MEF2A: variants seen among roughly 807,000 people sequenced by gnomAD.
MEF2A encodes myocyte enhancer factor 2A, also known as myocyte-specific enhancer factor 2A.
Under a neutral mutation model 55.8 loss-of-function variants are expected in MEF2A, and 28 were observed. That is an observed-to-expected ratio of 0.50 (90% CI 0.37 to 0.69). The LOEUF is 0.69. MEF2A is among the 30% of genes least tolerant of loss of function. The probability of loss-of-function intolerance (pLI) is 0.00; values close to 1 mark genes in which losing one functional copy is unlikely to be tolerated. For synonymous variants in MEF2A, 239 were observed against 227.1 expected (o/e 1.05, Z -0.47); for missense variants, 528 against 626.2 (o/e 0.84, Z 1.67).
At chr15:99,699,821 A>G (rs1369433024) in intron 8 of MEF2A, among the ~76,000 whole-genome samples, 2 of 152,026 alleles carry the variant, frequency 1.3e-5, no homozygotes, top group East Asian at 3.9e-4. Flanking sequence ...ACAAATGGAC[A>G]TTGTAGATAA....
chr15:99,573,094 C>G (rs1189564229), intron 1 of MEF2A, among the ~76,000 whole-genome samples: 1 of 152,040 alleles, frequency 6.6e-6, no homozygotes, highest in Non-Finnish European at 1.5e-5. Context: ...CGAGACCATC[C>G]TGGCTAACAC....
chr15:99,627,419 CAAAAAAAAAA>C lies in MEF2A; in HGVS notation c.-142-5537_-142-5528del, dbSNP rs139658538. On this transcript the variant is annotated intron_variant, in intron 2 of 11. Transcript: ENST00000557942. ...TGGGCGACAGAGTGAGACTTTATCT[CAAAAAAAAAA>C]AAAAAAAAAAAAAAAAAAAAAGACT... 2.6e-4 allele frequency among the ~76,000 whole-genome samples: 11 copies of C among 43,060 alleles called. No individual in the cohort carries two copies. The South Asian group carries it at 4.3e-3, about 17-fold the overall frequency. The allele number at this position is 43,060 out of a possible 152,430, so 28.2% of individuals were successfully genotyped here.
At chr15:99,612,622 G>GCTC (rs2039477295) in intron 2 of MEF2A, among the ~76,000 whole-genome samples, 2 of 152,172 alleles carry the variant, frequency 1.3e-5, no homozygotes, top group African/African-American at 2.4e-5. Flanking sequence ...GAGCTGAGAT[G>GCTC]AGAGGGTTCC....
At chr15:99,626,261 A>G (rs2153351927) in intron 2 of MEF2A, among the ~76,000 whole-genome samples, 1 of 152,192 alleles carries the variant, frequency 6.6e-6, no homozygotes, top group South Asian at 2.1e-4. Context: ...ATAGCTGTTT[A>G]TAAGTACCCT....
In MEF2A at chr15:99,712,876, C is replaced by A; in HGVS notation, c.*105C>A. The A allele has an allele frequency of 8.4e-7, 1 of 1,189,946 alleles. No homozygotes were observed. Among genetic ancestry groups the A allele is most frequent in the Non-Finnish European group, 1.2e-6 (1 of 852,960 alleles). 73.7% of individuals were successfully genotyped at this position (1,189,946 alleles called of 1,614,324 possible). ...AGTTAAATATATTTATATGTACATA[C>A]ATATATATATCCCTTTACATATATA... On this transcript the variant is annotated 3_prime_UTR_variant, in exon 12 of 12. Transcript: ENST00000557942. This position sits in a 1 kb window ranked among gnomAD's most constrained non-coding sequence, Gnocchi z 4.1.
intron 1 of MEF2A, among the ~76,000 whole-genome samples, chr15:99,596,543 A>T (rs1032839598): frequency 1.3e-5 from 2 of 152,208 alleles, no homozygotes; most frequent in Admixed American, 1.3e-4. Context: ...AAACAAAATC[A>T]GGGTCATAAT....
intron 3 of MEF2A, among the ~76,000 whole-genome samples, chr15:99,636,865 G>A (rs2043958270): frequency 6.6e-6 from 1 of 151,896 alleles, no homozygotes; most frequent in South Asian, 2.1e-4. Context: ...TTTGTGTTTG[G>A]TTTGAGGTGT....
intron 1 of MEF2A, among the ~76,000 whole-genome samples, chr15:99,587,068 T>A (rs533482223): frequency 2.0e-5 from 3 of 152,144 alleles, no homozygotes; most frequent in Admixed American, 1.3e-4. Flanking sequence ...TTTTTTTTTT[T>A]AAATTATACT....
intron 10 of MEF2A, 148 bp from the exon 11 acceptor site, chr15:99,710,486 G>A (rs189405758): frequency 1.4e-4 from 117 of 856,900 alleles, no homozygotes; most frequent in Admixed American, 2.3e-4. Context: ...CAAGTGATCC[G>A]CCCATCTTGG....
At chr15:99,570,820 AAAC>A (rs1344535694) in intron 1 of MEF2A, among the ~76,000 whole-genome samples, 2 of 152,114 alleles carry the variant, frequency 1.3e-5, no homozygotes, top group East Asian at 1.9e-4. Flanking sequence ...AAAAAAAAAA[AAAC>A]AACTTTTGAA....
chr15:99,657,195 G>C (rs2047882343), intron 4 of MEF2A, among the ~76,000 whole-genome samples: 1 of 151,830 alleles, frequency 6.6e-6, no homozygotes, highest in Admixed American at 6.6e-5. Flanking sequence ...GTTTTGGTAT[G>C]GGTATAAGTT....
At chr15:99,657,235 T>G (rs1232413551) in intron 4 of MEF2A, among the ~76,000 whole-genome samples, 1 of 151,994 alleles carries the variant, frequency 6.6e-6, no homozygotes, top group Non-Finnish European at 1.5e-5. Flanking sequence ...TAGTTAGTAG[T>G]AGAATTTCCT....
At chr15:99,569,308 C>T (rs1961082226) in intron 1 of MEF2A, among the ~76,000 whole-genome samples, 1 of 152,212 alleles carries the variant, frequency 6.6e-6, no homozygotes. Context: ...TCCCTGCATC[C>T]CTTCTGGCTT....
At chr15:99,659,074 G>A (rs1166640536) in intron 4 of MEF2A, among the ~76,000 whole-genome samples, 2 of 152,140 alleles carry the variant, frequency 1.3e-5, no homozygotes, top group Non-Finnish European at 2.9e-5. Flanking sequence ...AAAAGGGATA[G>A]TGAAGAACCA....
At chr15:99,599,733 T>C (rs528435333) in intron 2 of MEF2A, among the ~76,000 whole-genome samples, 15 of 152,266 alleles carry the variant, frequency 9.9e-5, no homozygotes, top group Non-Finnish European at 2.1e-4. Context: ...TTTTAAAATA[T>C]AAACCTTGGT....
chr15:99,652,638 G>A (rs2153522369), intron 4 of MEF2A, among the ~76,000 whole-genome samples: 1 of 152,256 alleles, frequency 6.6e-6, no homozygotes, highest in Non-Finnish European at 1.5e-5. Flanking sequence ...AAGTAAACCA[G>A]GTCCACATGA....
rs950518601 is a variant in MEF2A at position 99,712,758 on chromosome 15, C to T, written c.1505C>T (p.Ala502Val). Reference protein sequence around the residue: ...SPSVKRMRMDAWVT With the variant: ...SPSVKRMRMDVWVT ...TCTGTAAAGCGAATGAGGATGGACG[C>T]GTGGGTGACCTAAGGCTTCCAAGCT... is the stretch of plus-strand genomic sequence containing the variant. The change falls in exon 12 of 12, where the codon GCG (alanine) becomes GTG (valine). Residue 502 changes from alanine to valine, a missense_variant. By Grantham distance (64) the Ala-to-Val change is moderately conservative. Around this residue, in one of 2 missense-constraint regions of MEF2A, gnomAD observed 450 missense variants for 475.3 expected, o/e 0.95. Transcript: ENST00000557942. The surrounding 1 kb of genome is among the most constrained non-coding windows in gnomAD (Gnocchi z 4.1). The T allele has an allele frequency of 1.2e-5, 19 of 1,556,904 alleles. No homozygotes were observed. Among genetic ancestry groups the T allele is most frequent in the Middle Eastern group, 1.7e-4 (1 of 6,018 alleles).
At chr15:99,662,341 A>G (rs985586218) in intron 4 of MEF2A, among the ~76,000 whole-genome samples, 4 of 152,244 alleles carry the variant, frequency 2.6e-5, no homozygotes. Flanking sequence ...TTGTCAGAGT[A>G]GCTAGAAAGA....
chr15:99,605,243 C>T (rs1029403059), intron 2 of MEF2A, among the ~76,000 whole-genome samples: 4 of 152,212 alleles, frequency 2.6e-5, no homozygotes, highest in African/African-American at 7.2e-5. Flanking sequence ...CTGCTGCGTC[C>T]TGCCTCTCTT....
Sources: allele counts gnomAD v4.1 joint callset (sites outside exome capture counted in the v4.1 genomes callset), GRCh38; gene constraint gnomAD v4.1.1; regional missense constraint gnomAD v4.1.1; non-coding constraint Gnocchi (gnomAD v3.1); transcripts MANE v1.5; gene names NCBI Gene and HGNC (gene_info 2026-07-23, HGNC 2026-07-21).